Variants in TMEM184A observed in about 807,000 individuals in gnomAD.
TMEM184A encodes transmembrane protein 184A, also known as sexually dimorphic, expressed in male gonads 1.
TMEM184A carries 40 observed loss-of-function variants against 39.5 expected under a neutral mutation model. The ratio of observed to expected loss-of-function variants is 1.01; its 90% CI spans 0.79 to 1.32. The LOEUF (loss-of-function observed/expected upper bound fraction) is 1.32, where lower values mean the gene tolerates loss of function less well. Ranked by LOEUF, TMEM184A falls within the 40% of genes most tolerant of loss-of-function variation. The pLI is 0.00. For synonymous variants in TMEM184A, 280 were observed against 252.3 expected (o/e 1.11, Z -1.04); for missense variants, 603 against 568.8 (o/e 1.06, Z -0.61).
chr7:1,551,272 C>T (rs190862034), intron 2 of TMEM184A, among the ~76,000 whole-genome samples: 8 of 101,104 alleles, frequency 7.9e-5, no homozygotes, highest in African/African-American at 3.6e-4. Context: ...TGGGGGTGGG[C>T]GCAGGAGGGT....
In TMEM184A at chr7:1,546,708, G is replaced by A; in HGVS notation, c.*244C>T. 4.3e-6 allele frequency: 2 copies of A among 469,328 alleles called. No homozygotes were observed. Among genetic ancestry groups the A allele is most frequent in the Admixed American group, 7.6e-5 (2 of 26,144 alleles). 29.1% of individuals were successfully genotyped at this position (469,328 alleles called of 1,614,324 possible). On this transcript the variant is annotated 3_prime_UTR_variant, in exon 9 of 9. Transcript: ENST00000297477. ...GCTGGGTGATCCCAGGGGGTCCCCA[G>A]GCTCTTCCGATTGGCTCAGGTGCCC... is the stretch of plus-strand genomic sequence containing the variant.
At position 1,546,938 on chromosome 7, in the gene TMEM184A, C is replaced by T. The variant is rs912020978; in HGVS notation, c.*14G>A. The T allele has an allele frequency of 1.3e-5, 20 of 1,518,544 alleles. No individual in the cohort carries two copies. The African/African-American group carries it at 2.6e-4, about 20-fold the overall frequency. The allele number at this position is 1,518,544 out of a possible 1,614,324, so 94.1% of individuals were successfully genotyped here. On this transcript the variant is annotated 3_prime_UTR_variant, in exon 9 of 9. Transcript: ENST00000297477. ...GCAGCCTGGGTCCCTACAGCACTGG[C>T]AGCCCAGGCCCCCCTACAGGTCCTC...
chr7:1,550,878 G>A lies in TMEM184A; in HGVS notation c.324C>T (p.Leu108=). The change falls in exon 3 of 9, where the codon CTC becomes CTT. Residue 108 remains leucine (L), a synonymous_variant. Coordinates refer to ENST00000297477, the MANE Select transcript of TMEM184A (RefSeq NM_001097620.2). ...PIYAFDSWLS[L]LLLGDHQYYV... is the part of the protein sequence containing the mutation. Reference sequence around the variant, plus strand: ...AGTACTGGTGGTCTCCGAGGAGGAGGAGGCTGAGCCAGGAGTCGAAGGCGT... The same window carrying A: ...AGTACTGGTGGTCTCCGAGGAGGAGAAGGCTGAGCCAGGAGTCGAAGGCGT... 1.2e-6 allele frequency: 2 copies of A among 1,613,802 alleles called. No individual in the cohort carries two copies. The highest frequency in any genetic ancestry group is 1.7e-6 in the Non-Finnish European group (2 of 1,179,982).
At chr7:1,552,966 G>A (rs1268625111) in intron 2 of TMEM184A, among the ~76,000 whole-genome samples, 5 of 151,932 alleles carry the variant, frequency 3.3e-5, no homozygotes, top group African/African-American at 7.3e-5. Flanking sequence ...GAGGTGGGAG[G>A]ATGGCTTAAA....
At chr7:1,548,380 C>T in intron 7 of TMEM184A, 139 bp downstream of exon 7, 1 of 1,060,530 alleles carries the variant, frequency 9.4e-7, no homozygotes, top group South Asian at 1.6e-5. Flanking sequence ...AGGTTCTACC[C>T]TGGCTTCCAG....
At chr7:1,552,393 T>C (rs1784638019) in intron 2 of TMEM184A, among the ~76,000 whole-genome samples, 1 of 152,162 alleles carries the variant, frequency 6.6e-6, no homozygotes, top group Non-Finnish European at 1.5e-5. Context: ...AACGTCTCCA[T>C]TATCTCCCAT....
chr7:1,550,247 C>T (rs779785556), intron 4 of TMEM184A, 49 bp from the exon 5 acceptor site: 102 of 1,605,942 alleles, frequency 6.4e-5, no homozygotes, highest in East Asian at 4.3e-4. Context: ...GCCCCGGCGC[C>T]GCCGGGCTCC....
chr7:1,548,275 AC>A (rs76528779), intron 7 of TMEM184A, among the ~76,000 whole-genome samples: 1 of 83,486 alleles, frequency 1.2e-5, no homozygotes, highest in African/African-American at 6.4e-5. Flanking sequence ...TTCAGGAAAC[AC>A]CTGGTGTGGC....
chr7:1,542,752 G>C lies in TMEM184A; in HGVS notation c.*4200C>G, dbSNP rs1163168245. On this transcript the variant is annotated 3_prime_UTR_variant, in exon 9 of 9. Coordinates refer to ENST00000297477, the MANE Select transcript of TMEM184A (RefSeq NM_001097620.2). ...GTCTCCGTGCCTCCGGCTTCCCAAA[G>C]AGATCCAGGTCTTTGCGTTTCCAGG... The C allele has an allele frequency of 1.3e-5, 2 of 152,598 alleles. No individual in the cohort carries two copies. The highest frequency in any genetic ancestry group is 2.9e-5 in the Non-Finnish European group (2 of 68,044). The allele number at this position is 152,598 out of a possible 1,614,324, so 9.5% of individuals were successfully genotyped here.
Position 1,546,521 on chromosome 7 carries a change from C to T in TMEM184A, c.*431G>A, listed in dbSNP as rs374830348. 1.1e-3 allele frequency: 171 copies of T among 162,768 alleles called. No homozygotes were observed. The highest frequency in any genetic ancestry group is 8.5e-3 in the Middle Eastern group (3 of 354). The allele number at this position is 162,768 out of a possible 1,614,324, so 10.1% of individuals were successfully genotyped here. A position where few individuals can be genotyped will look rare whatever the true frequency, so the allele number is the denominator to read the frequency against. ...ACTGTGTCAGAGCCCGGCTGCCCAG[C>T]GCCCCGGCGCCCCTCCCTCCAGCTG... On this transcript the variant is annotated 3_prime_UTR_variant, in exon 9 of 9. Coordinates refer to ENST00000297477, the MANE Select transcript of TMEM184A (RefSeq NM_001097620.2).
At chr7:1,550,492 G>T in intron 3 of TMEM184A, 97 bp from the exon 4 acceptor site, 3 of 1,013,838 alleles carry the variant, frequency 3.0e-6, no homozygotes, top group Non-Finnish European at 4.3e-6. Flanking sequence ...CTCGGGAGGG[G>T]CTGAGCCCAG....
Position 1,547,848 on chromosome 7 carries a change from G to A in TMEM184A, c.906C>T (p.Ala302=), listed in dbSNP as rs567521355. 3.1e-5 allele frequency: 50 copies of A among 1,608,310 alleles called. No individual in the cohort carries two copies. In the East Asian group the frequency reaches 8.5e-4, roughly 27 times the overall value. The change falls in exon 8 of 9, where the codon GCC becomes GCT. Residue 302 remains alanine (A), a synonymous_variant. Transcript: ENST00000297477. ...GNKLGAGTLA[A]GYQNFIICVE... ...CGCAGATGATGAAGTTCTGGTAGCC[G>A]GCGGCCAGCGTGCCAGCCCCCAGCT...
At chr7:1,549,733 G>T in intron 6 of TMEM184A, 121 bp downstream of exon 6, 1 of 900,012 alleles carries the variant, frequency 1.1e-6, no homozygotes, top group Non-Finnish European at 1.7e-6. Flanking sequence ...AGGTGCCCCC[G>T]CAGCTCCCAC....
chr7:1,551,142 T>G (rs1399675912), intron 2 of TMEM184A, among the ~76,000 whole-genome samples, 160 bp from the exon 3 acceptor site: 34 of 42,338 alleles, frequency 8.0e-4, no homozygotes, highest in South Asian at 1.9e-3. Context: ...GGGAAGGAGG[T>G]GGGGGTGGGC....
intron 2 of TMEM184A, among the ~76,000 whole-genome samples, chr7:1,552,761 T>C (rs1026172970): frequency 1.3e-5 from 2 of 152,068 alleles, no homozygotes; most frequent in African/African-American, 4.8e-5. Flanking sequence ...TAAGAATTTG[T>C]CCCTCCCTAG....
Position 1,550,143 on chromosome 7 carries a change from A to T in TMEM184A, c.532T>A (p.Phe178Ile). 1.9e-6 allele frequency: 3 copies of T among 1,606,882 alleles called. No individual in the cohort carries two copies. Among genetic ancestry groups the T allele is most frequent in the Non-Finnish European group, 2.5e-6 (3 of 1,177,524 alleles). ...CTCACCTGCTTACAGAAGCGCAGGA[A>T]CCCGATGGAGTAGGTCATGCCCCGG... The part of the protein sequence containing the change: ...CLRGMTYSIG[F>I]LRFCKQATLQ... Residue 178 changes from phenylalanine (F) to isoleucine (I), a missense_variant, in exon 5 of 9, where the codon TTC becomes ATC. Phe to Ile is a conservative substitution (Grantham distance 21, BLOSUM62 0). Coordinates refer to ENST00000297477, the MANE Select transcript of TMEM184A (RefSeq NM_001097620.2).
chr7:1,544,368 G>A lies in TMEM184A; in HGVS notation c.*2584C>T, dbSNP rs1219644908. On this transcript the variant is annotated 3_prime_UTR_variant, in exon 9 of 9. Coordinates refer to ENST00000297477, the MANE Select transcript of TMEM184A (RefSeq NM_001097620.2). ...TGTGGATGCTGGGGATTTTCAGCTGGACCATCTCCCAGAGAAGGATACTGA... is the reference window on the plus strand; with the variant it reads ...TGTGGATGCTGGGGATTTTCAGCTGAACCATCTCCCAGAGAAGGATACTGA... The A allele has an allele frequency of 6.6e-6, 1 of 152,290 alleles. No homozygotes were observed. Among genetic ancestry groups the A allele is most frequent in the Non-Finnish European group, 1.5e-5 (1 of 68,076 alleles). 9.4% of individuals were successfully genotyped at this position (152,290 alleles called of 1,614,324 possible). A position where few individuals can be genotyped will look rare whatever the true frequency, so the allele number is the denominator to read the frequency against.
At chr7:1,550,751 G>A in intron 3 of TMEM184A, 66 bp downstream of exon 3, 3 of 1,572,762 alleles carry the variant, frequency 1.9e-6, no homozygotes, top group African/African-American at 2.7e-5. Flanking sequence ...GGAAGAGTGT[G>A]CGTGCACGCA....
chr7:1,550,710 G>A (rs968871024), intron 3 of TMEM184A, 107 bp downstream of exon 3: 53 of 1,407,994 alleles, frequency 3.8e-5, no homozygotes, highest in African/African-American at 1.4e-4. Context: ...CTGACGGGCC[G>A]GGAGAGTGGG....
Sources: allele counts gnomAD v4.1 joint callset (sites outside exome capture counted in the v4.1 genomes callset), GRCh38; gene constraint gnomAD v4.1.1; transcripts MANE v1.5; gene names NCBI Gene and HGNC (gene_info 2026-07-23, HGNC 2026-07-21).